The following ZC3H7A variants were observed in gnomAD, a reference collection of about 807,000 sequenced individuals.
ZC3H7A encodes zinc finger CCCH-type containing 7A, also known as zinc finger CCCH domain-containing protein 7A.
Under a neutral mutation model 125.5 loss-of-function variants are expected in ZC3H7A, and 44 were observed. The observed-to-expected ratio is 0.35, with a 90% CI of 0.28 to 0.45. The LOEUF is 0.45. Among genes scored for constraint, ZC3H7A ranks in the 20% least tolerant of loss-of-function variants. The pLI is 1.00. For synonymous variants in ZC3H7A, 399 were observed against 391.2 expected, an observed-to-expected ratio of 1.02 and a Z score of -0.23; for missense variants, 977 against 1,170.7, an observed-to-expected ratio of 0.83 and a Z score of 2.41.
chr16:11,790,642 C>T (rs891545564), intron 1 of ZC3H7A, among the ~76,000 whole-genome samples: 34 of 152,066 alleles, frequency 2.2e-4, no homozygotes, highest in African/African-American at 7.7e-4. Flanking sequence ...CAGGTTCAAG[C>T]GATTCTTCTG....
rs547833065 is a variant in ZC3H7A, at chr16:11,762,507, T to A, written c.2079+164A>T. Among the ~76,000 whole-genome samples the A allele has an allele frequency of 5.3e-5, 8 of 152,282 alleles. No individual in the cohort carries two copies. In the South Asian group the frequency reaches 1.7e-3, roughly 32 times the overall value. ...GGGCTGCATAATTTTTTTATGATGATCAACTAAAATGCAAATTGTTTTTTC... is the reference window on the plus strand; with the variant it reads ...GGGCTGCATAATTTTTTTATGATGAACAACTAAAATGCAAATTGTTTTTTC... On this transcript the variant is annotated intron_variant, in intron 17 of 22. Coordinates refer to ENST00000355758, the MANE Select transcript of ZC3H7A (RefSeq NM_014153.4).
chr16:11,765,545 G>C lies in ZC3H7A; in HGVS notation c.1663C>G (p.Leu555Val), dbSNP rs1402651233. 6.2e-7 allele frequency: 1 copy of C among 1,614,162 alleles called. No individual in the cohort carries two copies. Among genetic ancestry groups the C allele is most frequent in the Non-Finnish European group, 8.5e-7 (1 of 1,180,030 alleles). Residue 555 changes from leucine to valine, a missense_variant, in exon 14 of 23, where the codon CTT (leucine) becomes GTT (valine). Transcript: ENST00000355758. This position sits in a 1 kb window ranked among gnomAD's most constrained non-coding sequence, Gnocchi z 4.8. Reference sequence around the variant, plus strand: ...TCCTGGAGAAGTTTGAACACAGTAAGGTTAATCTTTCCATTGCCGCCAAAG... The same window carrying C: ...TCCTGGAGAAGTTTGAACACAGTAACGTTAATCTTTCCATTGCCGCCAAAG... ...AFFGGNGKIN[L>V]TVFKLLQEHL...
chr16:11,761,562 T>C (rs775468096), intron 18 of ZC3H7A, 51 bp from the exon 19 acceptor site: 21 of 1,590,890 alleles, frequency 1.3e-5, no homozygotes, highest in Non-Finnish European at 1.8e-5. Context: ...GCAAAAGACA[T>C]AACACAAAGG....
chr16:11,751,903 CTTT>C (rs34041916), intron 22 of ZC3H7A, among the ~76,000 whole-genome samples: 6 of 128,924 alleles, frequency 4.7e-5, no homozygotes, highest in Admixed American at 8.6e-5. Context: ...ACTGAAAAAC[CTTT>C]TTTTTTTTTT....
At chr16:11,792,574 T>C (rs1295437862) in intron 1 of ZC3H7A, among the ~76,000 whole-genome samples, 1 of 152,182 alleles carries the variant, frequency 6.6e-6, no homozygotes, top group East Asian at 1.9e-4. Flanking sequence ...GAGACAGAAA[T>C]AGTAGCTCTT....
intron 20 of ZC3H7A, among the ~76,000 whole-genome samples, chr16:11,757,613 A>T (rs144931526): frequency 6.6e-6 from 1 of 152,234 alleles, no homozygotes; most frequent in East Asian, 1.9e-4. Flanking sequence ...ACAATGTATC[A>T]TCAGGCAAAG....
chr16:11,763,693 C>G (rs2052793883), intron 15 of ZC3H7A, 34 bp from the exon 16 acceptor site: 1 of 1,234,716 alleles, frequency 8.1e-7, no homozygotes, highest in African/African-American at 1.9e-5. Flanking sequence ...TAATATTGTT[C>G]TGCCATAGAT....
intron 1 of ZC3H7A, among the ~76,000 whole-genome samples, chr16:11,788,517 ATTTGCCCTTCCGCCCG>A (rs934756520): frequency 2.0e-5 from 3 of 151,196 alleles, no homozygotes; most frequent in African/African-American, 4.9e-5. Context: ...TTAGCCACCC[ATTTGCCCTTCCGCCCG>A]TTTGCCCTCC....
At chr16:11,753,017 C>CA in intron 21 of ZC3H7A, 185 bp from the exon 22 acceptor site, 2 of 583,884 alleles carry the variant, frequency 3.4e-6, no homozygotes, top group Non-Finnish European at 5.7e-6. Flanking sequence ...AGAAGGGTGA[C>CA]AAATGCTGCC....
At chr16:11,751,966 C>G (rs115237737) in intron 22 of ZC3H7A, among the ~76,000 whole-genome samples, 92 of 141,740 alleles carry the variant, frequency 6.5e-4, no homozygotes, top group East Asian at 4.6e-3. Flanking sequence ...AGTGCAGTAA[C>G]GCAACCTCGG....
intron 15 of ZC3H7A, among the ~76,000 whole-genome samples, chr16:11,763,984 C>T (rs1050266792): frequency 4.0e-5 from 6 of 151,152 alleles, no homozygotes; most frequent in Non-Finnish European, 4.4e-5. Flanking sequence ...TTAATAGAGA[C>T]GGGGTTTCAC....
intron 4 of ZC3H7A, among the ~76,000 whole-genome samples, chr16:11,777,640 G>C (rs2053104018): frequency 6.6e-6 from 1 of 151,968 alleles, no homozygotes; most frequent in Non-Finnish European, 1.5e-5. Context: ...AAAATCACTT[G>C]AACCCAGGAG....
chr16:11,757,830 T>C (rs2052678917), intron 20 of ZC3H7A, among the ~76,000 whole-genome samples: 1 of 152,198 alleles, frequency 6.6e-6, no homozygotes, highest in South Asian at 2.1e-4. Flanking sequence ...GGTTGGTTCT[T>C]ATAATCCAGA....
chr16:11,786,257 A>G (rs1439036167), intron 1 of ZC3H7A, among the ~76,000 whole-genome samples: 1 of 152,210 alleles, frequency 6.6e-6, no homozygotes, highest in African/African-American at 2.4e-5. Context: ...TTTAGAGTTC[A>G]GAGGAACCCA....
chr16:11,762,588 T>G (rs1240113171), intron 17 of ZC3H7A, 83 bp downstream of exon 17: 1 of 1,280,238 alleles, frequency 7.8e-7, no homozygotes. Context: ...CTGTAAGTGT[T>G]AACTGCATCC....
rs1159423980 is a variant in ZC3H7A at position 11,779,382 on chromosome 16, C to A, written c.109-19G>T. ...AATATACCTAAAAAAAAGAAAGTTA[C>A]CACTTGAAGCCTTTTATCAAACAAG... On this transcript the variant is annotated intron_variant, in intron 3 of 22. Transcript: ENST00000355758. 6.3e-7 allele frequency: 1 copy of A among 1,596,656 alleles called. No homozygotes were observed. Among genetic ancestry groups the A allele is most frequent in the Non-Finnish European group, 8.5e-7 (1 of 1,173,094 alleles).
chr16:11,764,973 A>G, intron 15 of ZC3H7A, 80 bp downstream of exon 15: 2 of 941,478 alleles, frequency 2.1e-6, no homozygotes, highest in Middle Eastern at 3.0e-4. Context: ...ATGCCTGGAC[A>G]GACATTACTA....
chr16:11,794,904 G>A (rs2053410905), intron 1 of ZC3H7A, among the ~76,000 whole-genome samples: 1 of 152,216 alleles, frequency 6.6e-6, no homozygotes, highest in South Asian at 2.1e-4. Context: ...GAAAGAGGGT[G>A]TAGGTCTGTG....
chr16:11,765,786 G>T lies in ZC3H7A; in HGVS notation c.1523-101C>A. ...GTGGGAGGATCCCTTGAGCCCAGGA[G>T]TTCAAGGCTGCGGTGAGCAATGATC... On this transcript the variant is annotated intron_variant, in intron 13 of 22. Coordinates refer to ENST00000355758, the MANE Select transcript of ZC3H7A (RefSeq NM_014153.4). This position sits in a 1 kb window ranked among gnomAD's most constrained non-coding sequence, Gnocchi z 4.8. 8.6e-7 allele frequency: 1 copy of T among 1,161,420 alleles called. No individual in the cohort carries two copies. Among genetic ancestry groups the T allele is most frequent in the Non-Finnish European group, 1.2e-6 (1 of 837,412 alleles). The allele number at this position is 1,161,420 out of a possible 1,614,324, so 71.9% of individuals were successfully genotyped here. A position where few individuals can be genotyped will look rare whatever the true frequency, so the allele number is the denominator to read the frequency against.
Sources: gnomAD v4.1 joint callset for allele counts (sites outside exome capture counted in the v4.1 genomes callset) on GRCh38, gnomAD v4.1.1 for gene constraint, Gnocchi (gnomAD v3.1) non-coding constraint, MANE v1.5 for transcripts, NCBI Gene and HGNC (gene_info 2026-07-23, HGNC 2026-07-21) for gene names.